Variants in CALCR observed in about 807,000 individuals in gnomAD.
The protein encoded by CALCR is calcitonin receptor.
CALCR carries 47 observed loss-of-function variants against 59.5 expected under a neutral mutation model. The observed-to-expected ratio is 0.79, with a 90% CI of 0.63 to 1.01. CALCR has a LOEUF of 1.01. CALCR is among the 50% of genes least tolerant of loss of function. CALCR has a pLI of 0.00. For missense variants in CALCR, 566 were observed against 597.1 expected, an observed-to-expected ratio of 0.95 and a Z score of 0.54; for synonymous variants, 213 against 211.3, an observed-to-expected ratio of 1.01 and a Z score of -0.07.
intron 13 of CALCR, among the ~76,000 whole-genome samples, chr7:93,430,960 G>A (rs1215059028): frequency 6.6e-6 from 1 of 152,180 alleles, no homozygotes; most frequent in Non-Finnish European, 1.5e-5. Context: ...TTTATTGAGT[G>A]GGAGAATTTC....
Position 93,570,966 on chromosome 7 carries a change from G to A in CALCR, c.-27+3323C>T, listed in dbSNP as rs1480991373. ...TTTTTTCTACTGATTATTCTCCAAT[G>A]TTCTATCTTCATGATTCACTTTTAA... On this transcript the variant is annotated intron_variant, in intron 2 of 13. Transcript: ENST00000426151. Among the ~76,000 whole-genome samples, 4 of 152,068 alleles carry A rather than the reference G, an allele frequency of 2.6e-5. No individual in the cohort carries two copies. In the East Asian group the frequency reaches 7.7e-4, roughly 29 times the overall value.
chr7:93,514,786 C>A (rs370441108), intron 2 of CALCR, among the ~76,000 whole-genome samples: 2 of 151,888 alleles, frequency 1.3e-5, no homozygotes, highest in Non-Finnish European at 2.9e-5. Context: ...AACCAATTGA[C>A]GAATAGATAA....
intron 2 of CALCR, among the ~76,000 whole-genome samples, chr7:93,534,195 G>A (rs1189167163): frequency 2.6e-5 from 4 of 151,768 alleles, no homozygotes; most frequent in African/African-American, 9.7e-5. Context: ...TTACATAACA[G>A]TCTAATATTT....
intron 2 of CALCR, among the ~76,000 whole-genome samples, chr7:93,490,531 T>G (rs1261284333): frequency 6.6e-6 from 1 of 151,900 alleles, no homozygotes; most frequent in Non-Finnish European, 1.5e-5. Context: ...CCAAAACTCC[T>G]TAAGCTGAGA....
At chr7:93,451,306 T>C (rs1000770272) in intron 8 of CALCR, among the ~76,000 whole-genome samples, 10 of 151,996 alleles carry the variant, frequency 6.6e-5, no homozygotes, top group Non-Finnish European at 1.5e-4. Flanking sequence ...GATGCAAGGC[T>C]TATTTATCAG....
At chr7:93,495,039 G>A (rs1801168599) in intron 2 of CALCR, among the ~76,000 whole-genome samples, 1 of 151,352 alleles carries the variant, frequency 6.6e-6, no homozygotes, top group Non-Finnish European at 1.5e-5. Context: ...GATTCCAGGT[G>A]ATATTGTTAT....
chr7:93,507,921 TC>T (rs1801461534), intron 2 of CALCR, among the ~76,000 whole-genome samples: 1 of 148,316 alleles, frequency 6.7e-6, no homozygotes. Flanking sequence ...AGACTCCATC[TC>T]AAAAAAAAAG....
chr7:93,473,243 G>A (rs1364567978), intron 5 of CALCR, among the ~76,000 whole-genome samples: 2 of 151,804 alleles, frequency 1.3e-5, no homozygotes, highest in Admixed American at 1.3e-4. Context: ...CAGGCACTGT[G>A]CTCAGCACTT....
At chr7:93,509,296 C>T (rs73711690) in intron 2 of CALCR, among the ~76,000 whole-genome samples, 4,308 of 152,104 alleles carry the variant, frequency 0.028, 230 homozygotes, top group African/African-American at 0.098. Context: ...ATTTAAGGAG[C>T]CACCTTCTCC....
intron 2 of CALCR, among the ~76,000 whole-genome samples, chr7:93,530,967 T>C (rs935585942): frequency 6.6e-6 from 1 of 152,102 alleles, no homozygotes; most frequent in Non-Finnish European, 1.5e-5. Flanking sequence ...TAGTGAGGCC[T>C]AGCAATCAGA....
At chr7:93,428,332 T>G (rs192369154) in intron 13 of CALCR, among the ~76,000 whole-genome samples, 2 of 152,202 alleles carry the variant, frequency 1.3e-5, no homozygotes, top group African/African-American at 4.8e-5. Flanking sequence ...CAAAATCATA[T>G]AGCTAGAATG....
intron 8 of CALCR, among the ~76,000 whole-genome samples, chr7:93,451,812 A>G (rs1357889264): frequency 6.6e-6 from 1 of 152,038 alleles, no homozygotes; most frequent in Non-Finnish European, 1.5e-5. Context: ...CAGAAGATAC[A>G]TATACACCAT....
chr7:93,461,081 G>T, intron 7 of CALCR, 134 bp from the exon 8 acceptor site: 1 of 686,282 alleles, frequency 1.5e-6, no homozygotes, highest in Admixed American at 3.6e-5. Context: ...AGTAAGGCTG[G>T]TCTCCTCTTT....
At chr7:93,436,441 C>G (rs35881810) in intron 11 of CALCR, among the ~76,000 whole-genome samples, 1 of 152,062 alleles carries the variant, frequency 6.6e-6, no homozygotes, top group Non-Finnish European at 1.5e-5. Context: ...TTAATATGAG[C>G]CTTTCTATGG....
intron 2 of CALCR, among the ~76,000 whole-genome samples, chr7:93,537,415 G>A (rs1394290453): frequency 6.6e-6 from 1 of 151,676 alleles, no homozygotes; most frequent in Non-Finnish European, 1.5e-5. Flanking sequence ...TGGCTGAAAT[G>A]GGAACTGAAC....
chr7:93,473,580 GC>G (rs368362442), intron 5 of CALCR, among the ~76,000 whole-genome samples: 2,527 of 139,652 alleles, frequency 0.018, 61 homozygotes, highest in South Asian at 0.069. Flanking sequence ...CACTGGTTTG[GC>G]CCCCCCCCCT....
intron 2 of CALCR, among the ~76,000 whole-genome samples, chr7:93,567,145 C>T (rs1170645519): frequency 3.3e-5 from 5 of 152,160 alleles, no homozygotes; most frequent in Admixed American, 3.3e-4. Flanking sequence ...AGAAAACCAA[C>T]TCAAACCCAA....
chr7:93,516,303 A>G (rs1019514829), intron 2 of CALCR, among the ~76,000 whole-genome samples: 21 of 151,966 alleles, frequency 1.4e-4, no homozygotes, highest in Non-Finnish European at 2.8e-4. Flanking sequence ...TTGTTTCTTT[A>G]GGCTAAGTTA....
At position 93,426,221 on chromosome 7, in the gene CALCR, A is replaced by G; in HGVS notation, c.*135T>C. The G allele has an allele frequency of 1.6e-6, 1 of 627,184 alleles. No individual in the cohort carries two copies. The highest frequency in any genetic ancestry group is 2.8e-6 in the Non-Finnish European group (1 of 351,904). The allele number at this position is 627,184 out of a possible 1,614,324, so 38.9% of individuals were successfully genotyped here. ...CAAGAATAACTTTCTTCAGATTTAC[A>G]ATGGACAAATTCACTGAATAATTCT... On this transcript the variant is annotated 3_prime_UTR_variant, in exon 14 of 14. Coordinates refer to ENST00000426151, the MANE Select transcript of CALCR (RefSeq NM_001742.4).
Sources: gnomAD v4.1 joint callset for allele counts (sites outside exome capture counted in the v4.1 genomes callset) on GRCh38, gnomAD v4.1.1 for gene constraint, MANE v1.5 for transcripts, NCBI Gene and HGNC (gene_info 2026-07-23, HGNC 2026-07-21) for gene names.